SCAMP3: variants seen among roughly 807,000 people sequenced by gnomAD.
SCAMP3 encodes secretory carrier membrane protein 3, also known as secretory carrier-associated membrane protein 3.
In SCAMP3, 30 loss-of-function variants were observed where a neutral mutation model predicts 44.1. That is an observed-to-expected ratio of 0.68 (90% CI 0.51 to 0.92). The LOEUF is 0.92. Among genes scored for constraint, SCAMP3 ranks in the 40% least tolerant of loss-of-function variants. The probability of loss-of-function intolerance (pLI) is 0.00; values close to 1 mark genes in which losing one functional copy is unlikely to be tolerated. For missense variants in SCAMP3, 394 were observed against 440.0 expected, an observed-to-expected ratio of 0.90 and a Z score of 0.93; for synonymous variants, 168 against 171.1, an observed-to-expected ratio of 0.98 and a Z score of 0.14.
At chr1:155,256,900 A>G (rs970601287) in intron 7 of SCAMP3, 109 bp from the exon 8 acceptor site, 4 of 773,100 alleles carry the variant, frequency 5.2e-6, no homozygotes, top group Non-Finnish European at 4.4e-6. Flanking sequence ...GCTCCCTGTC[A>G]ATCGAGCAGC....
At chr1:155,259,048 T>G (rs991905275) in intron 4 of SCAMP3, 94 bp from the exon 5 acceptor site, 3 of 240,192 alleles carry the variant, frequency 1.2e-5, no homozygotes, top group East Asian at 5.6e-4. Context: ...GATCCTCTCT[T>G]TTTTTTTTTT....
In SCAMP3 at chr1:155,261,635, C is replaced by G. The variant is rs537621538; in HGVS notation, c.144+22G>C. ...GGCAAACCCTTCCCTTCCTTGAACT[C>G]CTATGCTCTCCAGTAGCTCACCTCC... On this transcript the variant is annotated intron_variant, in intron 2 of 8. Transcript: ENST00000302631. The G allele has an allele frequency of 2.5e-5, 40 of 1,607,614 alleles. No individual in the cohort carries two copies. The East Asian group carries it at 7.6e-4, about 30-fold the overall frequency.
At position 155,260,602 on chromosome 1, in the gene SCAMP3, A is replaced by T. The variant is rs1157234157; in HGVS notation, c.202T>A (p.Ser68Thr). The T allele has an allele frequency of 6.2e-7, 1 of 1,614,136 alleles. No homozygotes were observed. The highest frequency in any genetic ancestry group is 8.5e-7 in the Non-Finnish European group (1 of 1,180,024). ...CTGAGCTTTCTCGAGGGCTGCAAGG[A>T]GGGAGCTGAGGGTGGAGGCAATGGG... ...PAPLPPPSAP[S>T]LQPSRKLSPT... Residue 68 changes from serine (S) to threonine (T), a missense_variant, in exon 3 of 9, where the codon TCC (serine) becomes ACC (threonine). Ser to Thr is a moderately conservative substitution (Grantham distance 58). Transcript: ENST00000302631.
At position 155,256,178 on chromosome 1, in the gene SCAMP3, T is replaced by C; in HGVS notation, c.*95A>G. The C allele has an allele frequency of 7.9e-7, 1 of 1,272,650 alleles. No homozygotes were observed. The highest frequency in any genetic ancestry group is 1.1e-6 in the Non-Finnish European group (1 of 921,396). The allele number at this position is 1,272,650 out of a possible 1,614,324, so 78.8% of individuals were successfully genotyped here. ...GATTGGGAGCACTACGGAGGAGCCA[T>C]CAGTTAGTGATGTCTCTCCAAGTCC... On this transcript the variant is annotated 3_prime_UTR_variant, in exon 9 of 9. Coordinates refer to ENST00000302631, the MANE Select transcript of SCAMP3 (RefSeq NM_005698.4).
At chr1:155,260,803 A>T in intron 2 of SCAMP3, 144 bp from the exon 3 acceptor site, 1 of 728,086 alleles carries the variant, frequency 1.4e-6, no homozygotes, top group Non-Finnish European at 2.2e-6. Flanking sequence ...CTTCTGTTGA[A>T]TTTCTGTCAG....
At chr1:155,256,566 GAAC>G in intron 8 of SCAMP3, 105 bp downstream of exon 8, 2 of 1,366,012 alleles carry the variant, frequency 1.5e-6, no homozygotes, top group Non-Finnish European at 2.1e-6. Context: ...CATTAGCTGA[GAAC>G]AACCCAGCAG....
chr1:155,258,058 G>C (rs929118990), intron 5 of SCAMP3, among the ~76,000 whole-genome samples: 1 of 142,430 alleles, frequency 7.0e-6, no homozygotes, highest in Non-Finnish European at 1.5e-5. Context: ...TCGCTCTGTC[G>C]CCCAGGCTGG....
At chr1:155,260,287 T>G (rs879538766) in intron 4 of SCAMP3, 43 bp downstream of exon 4, 1 of 1,602,578 alleles carries the variant, frequency 6.2e-7, no homozygotes, top group Middle Eastern at 1.7e-4. Flanking sequence ...CTGTTTTTGC[T>G]CCTCCCAAAC....
At chr1:155,258,318 CTTTTTTTTTTT>C (rs71996352) in intron 5 of SCAMP3, among the ~76,000 whole-genome samples, 7 of 86,588 alleles carry the variant, frequency 8.1e-5, no homozygotes, top group Admixed American at 2.9e-4. Context: ...CGTGCCCGGC[CTTTTTTTTTTT>C]TTTTTTTTTT....
intron 4 of SCAMP3, 93 bp from the exon 5 acceptor site, chr1:155,259,047 T>C (rs1672885036): frequency 4.5e-5 from 4 of 89,252 alleles, no homozygotes; most frequent in Non-Finnish European, 5.1e-5. Context: ...GGATCCTCTC[T>C]TTTTTTTTTT....
In SCAMP3 at chr1:155,256,700, C is replaced by T; in HGVS notation, c.871G>A (p.Val291Met). ...LVALLFTGIA[V>M]LGIVMLKRIH... ...CGTTTCAGCATGACAATTCCTAGCA[C>T]AGCAATGCCAGTGAAGAGCAGGGCG... The change falls in exon 8 of 9, where the codon GTG becomes ATG. Residue 291 changes from valine (V) to methionine (M), a missense_variant. Coordinates refer to ENST00000302631, the MANE Select transcript of SCAMP3 (RefSeq NM_005698.4). 6.2e-7 allele frequency: 1 copy of T among 1,614,162 alleles called. No homozygotes were observed.
At chr1:155,259,042 CTCTCT>C in intron 4 of SCAMP3, 88 bp from the exon 5 acceptor site, 1 of 961,924 alleles carries the variant, frequency 1.0e-6, no homozygotes, top group Non-Finnish European at 1.4e-6. Flanking sequence ...TCCCTGGATC[CTCTCT>C]TTTTTTTTTT....
chr1:155,257,068 C>T (rs1672820135), intron 7 of SCAMP3, among the ~76,000 whole-genome samples: 1 of 152,232 alleles, frequency 6.6e-6, no homozygotes. Flanking sequence ...TCCAGGAAGC[C>T]ACCTTAGATT....
intron 4 of SCAMP3, 27 bp downstream of exon 4, chr1:155,260,303 G>A: frequency 6.2e-7 from 1 of 1,606,494 alleles, no homozygotes; most frequent in African/African-American, 1.3e-5. Context: ...CAAACTCTCA[G>A]ATGCTCTTCC....
chr1:155,262,359 G>A lies in SCAMP3; in HGVS notation c.-208C>T. The A allele has an allele frequency of 1.7e-6, 1 of 575,106 alleles. No individual in the cohort carries two copies. Among genetic ancestry groups the A allele is most frequent in the Non-Finnish European group, 3.1e-6 (1 of 323,576 alleles). 35.6% of individuals were successfully genotyped at this position (575,106 alleles called of 1,614,324 possible). ...GTCTTGTCCAAAAGCTAAGACGAAA[G>A]TGCCCCCACGTGATACCTCTAACCC... is the stretch of plus-strand genomic sequence containing the variant. On this transcript the variant is annotated 5_prime_UTR_variant, in exon 1 of 9. Coordinates refer to ENST00000302631, the MANE Select transcript of SCAMP3 (RefSeq NM_005698.4).
At chr1:155,260,681 T>G in intron 2 of SCAMP3, 22 bp from the exon 3 acceptor site, 1 of 1,590,070 alleles carries the variant, frequency 6.3e-7, no homozygotes. Flanking sequence ...AAGACCTTAG[T>G]GATCATCTAG....
rs1672838852 is a variant in SCAMP3, at chr1:155,257,570, G to C, written c.605C>G (p.Ser202Cys). The C allele has an allele frequency of 6.2e-7, 1 of 1,606,916 alleles. No individual in the cohort carries two copies. The highest frequency in any genetic ancestry group is 8.5e-7 in the Non-Finnish European group (1 of 1,176,092). The change falls in exon 6 of 9, where the codon TCT becomes TGT. Residue 202 changes from serine to cysteine, a missense_variant. Coordinates refer to ENST00000302631, the MANE Select transcript of SCAMP3 (RefSeq NM_005698.4). ...AGTGAAAAGGAGGACCCAGAGGATA[G>C]AAAGCCCAAAGCCTGCGCCATTGTT... ...ETNNGAGFGL[S>C]ILWVLLFTPC...
At position 155,256,355 on chromosome 1, in the gene SCAMP3, C is replaced by T. The variant is rs1215144556; in HGVS notation, c.962G>A (p.Gly321Asp). ...TCGCACCGCAGGGTTGGAGAAGACA[C>T]CAGCAGCAAATTCTTGCTGGGCCTT... ...FQKAQQEFAA[G>D]VFSNPAVRTA... Residue 321 changes from glycine to aspartate, a missense_variant, in exon 9 of 9, where the codon GGT becomes GAT. Gly to Asp is a moderately conservative substitution (Grantham distance 94). Transcript: ENST00000302631. 1 of 1,609,234 alleles carries T rather than the reference C, an allele frequency of 6.2e-7. No homozygotes were observed. Among genetic ancestry groups the T allele is most frequent in the South Asian group, 1.1e-5 (1 of 90,842 alleles).
In SCAMP3 at chr1:155,260,596, G is replaced by A. The variant is rs1429073405; in HGVS notation, c.208C>T (p.Gln70Ter). Residue 70 changes from glutamine (Q) to a stop codon, truncating the protein, a stop_gained, in exon 3 of 9, where the codon CAG (glutamine) becomes TAG (stop). Transcript: ENST00000302631. LOFTEE classifies it high-confidence loss of function. ...PLPPPSAPSL[Q>*]PSRKLSPTEP... ...GTGGGGCTGAGCTTTCTCGAGGGCT[G>A]CAAGGAGGGAGCTGAGGGTGGAGGC... 1.2e-5 allele frequency: 20 copies of A among 1,614,044 alleles called. No individual in the cohort carries two copies. In the Admixed American group the frequency reaches 3.3e-4, roughly 27 times the overall value.
Sources: gnomAD v4.1 joint callset for allele counts (sites outside exome capture counted in the v4.1 genomes callset) on GRCh38, gnomAD v4.1.1 for gene constraint, MANE v1.5 for transcripts, NCBI Gene and HGNC (gene_info 2026-07-23, HGNC 2026-07-21) for gene names.